OSBP2: variants seen among roughly 807,000 people sequenced by gnomAD.
The protein encoded by OSBP2 is oxysterol binding protein 2.
Under a neutral mutation model 96.0 loss-of-function variants are expected in OSBP2, and 66 were observed. That is an observed-to-expected ratio of 0.69 (90% CI 0.56 to 0.84). The LOEUF (loss-of-function observed/expected upper bound fraction) is 0.84, where lower values mean the gene tolerates loss of function less well. Ranked by LOEUF, OSBP2 falls within the 40% of genes least tolerant of loss-of-function variation. The probability of loss-of-function intolerance (pLI) is 0.00; values close to 1 mark genes in which losing one functional copy is unlikely to be tolerated. For missense variants in OSBP2, 1,038 were observed against 1,222.7 expected, an observed-to-expected ratio of 0.85 and a Z score of 2.25; for synonymous variants, 525 against 520.9, an observed-to-expected ratio of 1.01 and a Z score of -0.11.
Position 30,730,809 on chromosome 22 carries a change from A to ATATATAAT in OSBP2, c.645-10351_645-10350insATATAATT, listed in dbSNP as rs1569100787. Among the ~76,000 whole-genome samples, 3 of 21,276 alleles carry ATATATAAT rather than the reference A, an allele frequency of 1.4e-4. 1 individual carries two copies. The highest frequency in any genetic ancestry group is 5.8e-4 in the African/African-American group (3 of 5,158). 14.0% of individuals were successfully genotyped at this position (21,276 alleles called of 152,430 possible). ...ATATATATATATATATATATATATA[A>ATATATAAT]TTTTTTTTTTTTTTCCCATGGACAT... On this transcript the variant is annotated intron_variant, in intron 1 of 13. Coordinates refer to ENST00000332585, the MANE Select transcript of OSBP2 (RefSeq NM_030758.4).
chr22:30,896,829 A>G (rs1236198346), intron 12 of OSBP2, among the ~76,000 whole-genome samples: 1 of 151,950 alleles, frequency 6.6e-6, no homozygotes, highest in Non-Finnish European at 1.5e-5. Context: ...AAAATTTTTT[A>G]TAGAGACAGG....
Position 30,887,638 on chromosome 22 carries a change from A to C in OSBP2, c.1300+20A>C. Reference sequence around the variant, plus strand: ...TTGAGGGTGAGTGGGCAGCCAGGGCAGGGCTGTCCCATGACCTTCTGCCAG... The same window carrying C: ...TTGAGGGTGAGTGGGCAGCCAGGGCCGGGCTGTCCCATGACCTTCTGCCAG... On this transcript the variant is annotated intron_variant, in intron 4 of 13. Transcript: ENST00000332585. 6.4e-7 allele frequency: 1 copy of C among 1,560,590 alleles called. No homozygotes were observed. The highest frequency in any genetic ancestry group is 8.7e-7 in the Non-Finnish European group (1 of 1,153,232).
rs1569163942 is a variant in OSBP2, at chr22:30,881,877, G to A, written c.1108-5549G>A. The A allele has an allele frequency of 8.0e-7, 1 of 1,246,836 alleles. No homozygotes were observed. The highest frequency in any genetic ancestry group is 1.1e-6 in the Non-Finnish European group (1 of 942,280). 77.2% of individuals were successfully genotyped at this position (1,246,836 alleles called of 1,614,324 possible). On this transcript the variant is annotated intron_variant, in intron 3 of 13. Transcript: ENST00000332585. The surrounding 1 kb of genome is among the most constrained non-coding windows in gnomAD (Gnocchi z 4.5). ...GGTGACCAGGCAGCTCATGTGCTGTGGGGGTAAAGGTCTTGGGTGCAGCCA... is the reference window on the plus strand; with the variant it reads ...GGTGACCAGGCAGCTCATGTGCTGTAGGGGTAAAGGTCTTGGGTGCAGCCA...
intron 2 of OSBP2, among the ~76,000 whole-genome samples, chr22:30,768,466 C>A (rs1037172229): frequency 6.6e-6 from 1 of 152,122 alleles, no homozygotes; most frequent in Non-Finnish European, 1.5e-5. Context: ...CACCTGAGGT[C>A]AGGAGTTTGA....
chr22:30,889,936 C>T (rs5994354), intron 7 of OSBP2, among the ~76,000 whole-genome samples: 244 of 152,246 alleles, frequency 1.6e-3, no homozygotes, highest in African/African-American at 5.5e-3. Flanking sequence ...TCCCAGCTGT[C>T]CCGATCTGTA....
intron 8 of OSBP2, among the ~76,000 whole-genome samples, chr22:30,891,598 C>G (rs2039949145): frequency 6.6e-6 from 1 of 152,172 alleles, no homozygotes; most frequent in Non-Finnish European, 1.5e-5. Context: ...TGCTGCAAGG[C>G]CCCGTTAGGA....
chr22:30,821,529 G>C (rs538334130), intron 2 of OSBP2, among the ~76,000 whole-genome samples: 16 of 152,296 alleles, frequency 1.1e-4, no homozygotes, highest in South Asian at 4.1e-4. Context: ...GTCACTAGCT[G>C]AGGTGGGGAG....
intron 2 of OSBP2, among the ~76,000 whole-genome samples, chr22:30,747,630 GC>G (rs1260359580): frequency 6.6e-6 from 1 of 152,104 alleles, no homozygotes; most frequent in African/African-American, 2.4e-5. Context: ...GTGCGGTAAG[GC>G]CCCGTGTGAT....
At chr22:30,807,232 C>T (rs774931558) in intron 2 of OSBP2, among the ~76,000 whole-genome samples, 4 of 152,162 alleles carry the variant, frequency 2.6e-5, no homozygotes, top group Non-Finnish European at 4.4e-5. Context: ...GCCCCTGCCC[C>T]CGCGAGACTC....
At chr22:30,723,987 T>C (rs773210658) in intron 1 of OSBP2, among the ~76,000 whole-genome samples, 9 of 152,202 alleles carry the variant, frequency 5.9e-5, no homozygotes, top group Non-Finnish European at 1.3e-4. Context: ...ACCATTACGG[T>C]ATCATACAGA....
chr22:30,805,856 G>C (rs769359373), intron 2 of OSBP2, among the ~76,000 whole-genome samples: 18 of 152,222 alleles, frequency 1.2e-4, no homozygotes, highest in Admixed American at 2.6e-4. Flanking sequence ...ATGGAGCCTA[G>C]ATGCCAAAGG....
chr22:30,890,581 G>A lies in OSBP2; in HGVS notation c.1624-147G>A, dbSNP rs553605448. 6.0e-5 allele frequency: 49 copies of A among 820,268 alleles called. No homozygotes were observed. Among genetic ancestry groups the A allele is most frequent in the Middle Eastern group, 3.5e-4 (1 of 2,850 alleles). 50.8% of individuals were successfully genotyped at this position (820,268 alleles called of 1,614,324 possible). A position where few individuals can be genotyped will look rare whatever the true frequency, so the allele number is the denominator to read the frequency against. ...GGGCCAGGGAGGTGATGGCTTGGGGGCCACACTGTTGGACAGGGCCATCTG... is the reference window on the plus strand; with the variant it reads ...GGGCCAGGGAGGTGATGGCTTGGGGACCACACTGTTGGACAGGGCCATCTG... On this transcript the variant is annotated intron_variant, in intron 7 of 13. Coordinates refer to ENST00000332585, the MANE Select transcript of OSBP2 (RefSeq NM_030758.4). This position sits in a 1 kb window ranked among gnomAD's most constrained non-coding sequence, Gnocchi z 4.4.
chr22:30,734,351 G>A (rs1238099702), intron 1 of OSBP2, among the ~76,000 whole-genome samples: 1 of 152,154 alleles, frequency 6.6e-6, no homozygotes, highest in African/African-American at 2.4e-5. Flanking sequence ...AAGCTGCTTA[G>A]GGCTCAGTGA....
upstream of OSBP2, chr22:30,694,328 G>C: frequency 1.9e-6 from 3 of 1,547,838 alleles, no homozygotes; most frequent in Non-Finnish European, 2.6e-6. Context: ...GCGGCCGCAG[G>C]AGCGACCCAC....
rs1175711128 is a variant in OSBP2, at chr22:30,870,787, C to T, written c.1107+105C>T. ...GCTTGAAGGGTCAGCGTTCCATTTC[C>T]TGCGGTTCCACGGTGTTTCCCAAAG... On this transcript the variant is annotated intron_variant, in intron 3 of 13. Coordinates refer to ENST00000332585, the MANE Select transcript of OSBP2 (RefSeq NM_030758.4). The surrounding 1 kb of genome is among the most constrained non-coding windows in gnomAD (Gnocchi z 4.1). 9 of 1,240,648 alleles carry T rather than the reference C, an allele frequency of 7.3e-6. No individual in the cohort carries two copies. In the South Asian group the frequency reaches 8.5e-5, roughly 12 times the overall value. The allele number at this position is 1,240,648 out of a possible 1,614,324, so 76.9% of individuals were successfully genotyped here.
At chr22:30,765,618 C>G (rs543246062) in intron 2 of OSBP2, among the ~76,000 whole-genome samples, 58 of 152,318 alleles carry the variant, frequency 3.8e-4, no homozygotes, top group African/African-American at 1.4e-3. Context: ...TTGCTTATTG[C>G]TGCTATCTCT....
intron 2 of OSBP2, among the ~76,000 whole-genome samples, chr22:30,832,916 A>G (rs1200771845): frequency 2.0e-5 from 3 of 152,226 alleles, no homozygotes; most frequent in Non-Finnish European, 4.4e-5. Flanking sequence ...TGAATTGCAT[A>G]GAGTTTAAAG....
At chr22:30,893,388 A>T in intron 9 of OSBP2, 75 bp from the exon 10 acceptor site, 1 of 1,538,332 alleles carries the variant, frequency 6.5e-7, no homozygotes, top group African/African-American at 1.4e-5. Flanking sequence ...AGTTCTCAAG[A>T]CACCAGGCCT....
intron 12 of OSBP2, among the ~76,000 whole-genome samples, chr22:30,897,757 C>T (rs544103768): frequency 2.6e-5 from 4 of 152,274 alleles, no homozygotes; most frequent in Admixed American, 2.6e-4. Flanking sequence ...CGAGACCAGC[C>T]TGGCCAACAT....
Sources: allele counts gnomAD v4.1 joint callset (sites outside exome capture counted in the v4.1 genomes callset), GRCh38; gene constraint gnomAD v4.1.1; non-coding constraint Gnocchi (gnomAD v3.1); transcripts MANE v1.5; gene names NCBI Gene and HGNC (gene_info 2026-07-23, HGNC 2026-07-21).